APBB1IP: variants seen among roughly 807,000 people sequenced by gnomAD.
The protein encoded by APBB1IP is amyloid beta precursor protein binding family B member 1 interacting protein.
A neutral mutation model predicts 64.9 loss-of-function variants in APBB1IP; 27 were observed. The ratio of observed to expected loss-of-function variants is 0.42; its 90% confidence interval spans 0.31 to 0.57. The LOEUF (loss-of-function observed/expected upper bound fraction) is 0.57. Ranked by LOEUF, APBB1IP falls within the 20% of genes least tolerant of loss-of-function variation. The pLI is 0.20. For synonymous variants in APBB1IP, 392 were observed against 331.0 expected (o/e 1.18, Z -2.00); for missense variants, 812 against 845.5 (o/e 0.96, Z 0.49).
chr10:26,546,550 C>A lies in APBB1IP; in HGVS notation c.1155+4858C>A, dbSNP rs116413654. 2.4e-3 allele frequency among the ~76,000 whole-genome samples: 362 copies of A among 152,184 alleles called. 2 individuals carry two copies. The highest frequency in any genetic ancestry group is 8.4e-3 in the African/African-American group (348 of 41,510). ...TAGCACAAACGTTTATCATAAAATC[C>A]TCTCTTCTAGCTGTTTGAAATATAC... is the stretch of plus-strand genomic sequence containing the variant. On this transcript the variant is annotated intron_variant, in intron 11 of 14. Transcript: ENST00000376236.
intron 10 of APBB1IP, among the ~76,000 whole-genome samples, chr10:26,536,749 G>A: frequency 7.9e-6 from 1 of 126,830 alleles, no homozygotes; most frequent in Non-Finnish European, 1.6e-5. Context: ...GGGACTACAG[G>A]TGCATGCCAC....
chr10:26,441,972 G>A (rs1835342632), intron 2 of APBB1IP, among the ~76,000 whole-genome samples: 1 of 152,216 alleles, frequency 6.6e-6, no homozygotes, highest in South Asian at 2.1e-4. Context: ...GAGAGGGTAA[G>A]AAACTTACGC....
intron 11 of APBB1IP, among the ~76,000 whole-genome samples, chr10:26,544,038 C>T (rs771268040): frequency 1.1e-4 from 16 of 152,136 alleles, no homozygotes; most frequent in Non-Finnish European, 2.2e-4. Flanking sequence ...CAGAGAGACT[C>T]CCCAGCCAGG....
chr10:26,518,349 G>A (rs1298187590), intron 8 of APBB1IP, among the ~76,000 whole-genome samples: 2 of 151,186 alleles, frequency 1.3e-5, no homozygotes, highest in Non-Finnish European at 2.9e-5. Flanking sequence ...CCTGGCTCAA[G>A]TGATTCTCGT....
chr10:26,478,440 C>T (rs899786448), intron 2 of APBB1IP, among the ~76,000 whole-genome samples: 1 of 152,048 alleles, frequency 6.6e-6, no homozygotes, highest in Non-Finnish European at 1.5e-5. Flanking sequence ...AATCCCAGCA[C>T]TTTGGGAGGC....
intron 2 of APBB1IP, among the ~76,000 whole-genome samples, chr10:26,483,563 G>A (rs964809882): frequency 2.6e-5 from 4 of 152,190 alleles, no homozygotes; most frequent in African/African-American, 9.7e-5. Flanking sequence ...AGAAGCAATT[G>A]AGTGAGGAGT....
At chr10:26,557,959 G>A (rs1361859061) in intron 11 of APBB1IP, among the ~76,000 whole-genome samples, 1 of 152,144 alleles carries the variant, frequency 6.6e-6, no homozygotes, top group Non-Finnish European at 1.5e-5. Flanking sequence ...CCTAAGAGAG[G>A]AATTGGACAG....
intron 11 of APBB1IP, among the ~76,000 whole-genome samples, chr10:26,543,131 G>A (rs1836716975): frequency 6.6e-6 from 1 of 151,522 alleles, no homozygotes; most frequent in Non-Finnish European, 1.5e-5. Flanking sequence ...CCGGGAGAAG[G>A]CTGGATCCGT....
chr10:26,463,216 T>A (rs1243593252), intron 2 of APBB1IP, among the ~76,000 whole-genome samples: 1 of 152,098 alleles, frequency 6.6e-6, no homozygotes, highest in South Asian at 2.1e-4. Context: ...GGTGGGAGAA[T>A]CATTTGGTGC....
chr10:26,525,589 G>C (rs997051950), intron 8 of APBB1IP, among the ~76,000 whole-genome samples: 1 of 152,180 alleles, frequency 6.6e-6, no homozygotes, highest in Non-Finnish European at 1.5e-5. Flanking sequence ...GGCAGCTTTA[G>C]TTTAGAAGCC....
At chr10:26,492,222 A>T in intron 2 of APBB1IP, 105 bp from the exon 3 acceptor site, 2 of 973,432 alleles carry the variant, frequency 2.1e-6, no homozygotes, top group Non-Finnish European at 3.2e-6. Context: ...CTCCCAACTT[A>T]GCTGCCCATG....
intron 5 of APBB1IP, chr10:26,501,630 A>G (rs549744854): frequency 6.3e-6 from 1 of 157,930 alleles, no homozygotes; most frequent in African/African-American, 2.4e-5. Flanking sequence ...GGTGCTTGAT[A>G]TTGATAAATT....
At chr10:26,460,496 A>G (rs1366658522) in intron 2 of APBB1IP, among the ~76,000 whole-genome samples, 1 of 152,136 alleles carries the variant, frequency 6.6e-6, no homozygotes, top group East Asian at 1.9e-4. Context: ...TTGCATGCAT[A>G]TGTTCATTGT....
chr10:26,461,991 A>G (rs962047016), intron 2 of APBB1IP, among the ~76,000 whole-genome samples: 1 of 152,204 alleles, frequency 6.6e-6, no homozygotes, highest in African/African-American at 2.4e-5. Context: ...AGACAATTGT[A>G]TCACCTCCAT....
intron 2 of APBB1IP, among the ~76,000 whole-genome samples, chr10:26,455,357 G>A (rs866065806): frequency 1.3e-5 from 2 of 152,116 alleles, no homozygotes; most frequent in Middle Eastern, 3.4e-3. Flanking sequence ...GTGAAGCCCT[G>A]TCTCTACTAA....
chr10:26,467,062 A>G (rs1835656475), intron 2 of APBB1IP, among the ~76,000 whole-genome samples: 1 of 152,108 alleles, frequency 6.6e-6, no homozygotes, highest in Non-Finnish European at 1.5e-5. Flanking sequence ...AAAAGATGTG[A>G]TCATTTGTAA....
chr10:26,445,350 T>A (rs906378066), intron 2 of APBB1IP, among the ~76,000 whole-genome samples: 2 of 152,150 alleles, frequency 1.3e-5, no homozygotes, highest in East Asian at 1.9e-4. Context: ...ATCAAAACAA[T>A]GGAAATTATT....
chr10:26,490,068 T>A (rs1438307772), intron 2 of APBB1IP, among the ~76,000 whole-genome samples: 1 of 152,140 alleles, frequency 6.6e-6, no homozygotes, highest in Non-Finnish European at 1.5e-5. Flanking sequence ...GAATCATTTT[T>A]AAGAAAGCAA....
intron 11 of APBB1IP, among the ~76,000 whole-genome samples, chr10:26,557,870 C>T (rs778520900): frequency 3.3e-5 from 5 of 152,142 alleles, no homozygotes; most frequent in Non-Finnish European, 7.3e-5. Context: ...CTTAGAACAA[C>T]TTTGAGAATA....
Sources: allele counts gnomAD v4.1 joint callset (sites outside exome capture counted in the v4.1 genomes callset), GRCh38; gene constraint gnomAD v4.1.1; transcripts MANE v1.5; gene names NCBI Gene and HGNC (gene_info 2026-07-23, HGNC 2026-07-21).